The following DACH2 variants were observed in gnomAD, a reference collection of about 807,000 sequenced individuals.
DACH2 encodes the protein dachshund homolog 2.
Under a neutral mutation model 35.8 loss-of-function variants are expected in DACH2, and 17 were observed. The observed-to-expected ratio is 0.48, with a 90% CI of 0.33 to 0.71. The LOEUF (loss-of-function observed/expected upper bound fraction) is 0.71. Ranked by LOEUF, DACH2 falls within the 30% of genes least tolerant of loss-of-function variation. The pLI is 0.02. For synonymous variants in DACH2, 195 were observed against 177.3 expected (o/e 1.10, Z -0.79); for missense variants, 469 against 472.7 (o/e 0.99, Z 0.07).
intron 1 of DACH2, among the ~76,000 whole-genome samples, chrX:86,253,025 T>A (rs2033433178): frequency 9.0e-6 from 1 of 110,512 alleles, no homozygotes; most frequent in South Asian, 3.8e-4. Flanking sequence ...CTTTAAAGAC[T>A]CCTCCAAAAG....
At chrX:86,371,763 A>AT (rs1213425434) in intron 1 of DACH2, among the ~76,000 whole-genome samples, 1 of 111,226 alleles carries the variant, frequency 9.0e-6, no homozygotes, top group Non-Finnish European at 1.9e-5. Flanking sequence ...AACAGTGGAA[A>AT]TGCAACAGTT....
chrX:86,197,962 T>C (rs2032038501), intron 1 of DACH2, among the ~76,000 whole-genome samples: 1 of 111,989 alleles, frequency 8.9e-6, no homozygotes, highest in Admixed American at 9.5e-5. Flanking sequence ...GAATATACAT[T>C]CTTCTCATTG....
chrX:86,619,539 C>G (rs761385156), intron 3 of DACH2, among the ~76,000 whole-genome samples: 1 of 112,018 alleles, frequency 8.9e-6, no homozygotes, highest in African/African-American at 3.2e-5. Flanking sequence ...AGTAACTATT[C>G]TGAAAATTGT....
intron 1 of DACH2, among the ~76,000 whole-genome samples, chrX:86,225,187 C>G (rs2032797002): frequency 9.0e-6 from 1 of 111,602 alleles, no homozygotes; most frequent in African/African-American, 3.2e-5. Context: ...ATATGCTGAT[C>G]ACTTGCGTTG....
intron 1 of DACH2, among the ~76,000 whole-genome samples, chrX:86,346,667 GT>G (rs1175710260): frequency 3.6e-5 from 4 of 111,443 alleles, no homozygotes; most frequent in African/African-American, 1.3e-4. Context: ...TTTTAATAGT[GT>G]TTCTCCCTTT....
chrX:86,576,283 G>T (rs1357639683), intron 3 of DACH2, among the ~76,000 whole-genome samples: 1 of 111,715 alleles, frequency 9.0e-6, no homozygotes, highest in Admixed American at 9.6e-5. Flanking sequence ...GCATTACAAA[G>T]GAGATATGTG....
intron 6 of DACH2, among the ~76,000 whole-genome samples, chrX:86,721,039 G>C (rs963775844): frequency 8.9e-6 from 1 of 112,318 alleles, no homozygotes; most frequent in Non-Finnish European, 1.9e-5. Flanking sequence ...CAGCTGGGAC[G>C]AAGGGCACCA....
intron 4 of DACH2, among the ~76,000 whole-genome samples, chrX:86,692,544 G>A (rs952015003): frequency 9.0e-6 from 1 of 111,625 alleles, no homozygotes; most frequent in African/African-American, 3.3e-5. Context: ...CAAACCATGA[G>A]AATACTACCT....
At chrX:86,453,124 G>GT (rs2037411356) in intron 2 of DACH2, among the ~76,000 whole-genome samples, 1 of 111,659 alleles carries the variant, frequency 9.0e-6, no homozygotes, top group African/African-American at 3.3e-5. Flanking sequence ...TATTTGTGTG[G>GT]TTTTGAGTGA....
chrX:86,600,317 T>C (rs2039773380), intron 3 of DACH2, among the ~76,000 whole-genome samples: 1 of 112,422 alleles, frequency 8.9e-6, no homozygotes, highest in Admixed American at 9.4e-5. Context: ...CCTGGGGAAA[T>C]TTTTCCATGA....
intron 2 of DACH2, among the ~76,000 whole-genome samples, chrX:86,467,874 C>T (rs775122166): frequency 9.0e-5 from 10 of 111,346 alleles, no homozygotes; most frequent in Non-Finnish European, 1.9e-4. Context: ...ACCGTCAGAT[C>T]TCATGGAACT....
At chrX:86,736,243 T>C (rs2041595338) in intron 6 of DACH2, among the ~76,000 whole-genome samples, 2 of 111,457 alleles carry the variant, frequency 1.8e-5, no homozygotes, top group African/African-American at 6.5e-5. Flanking sequence ...AAAGTCTGAC[T>C]TCTGTGCTGC....
At chrX:86,371,427 A>G (rs750838729) in intron 1 of DACH2, among the ~76,000 whole-genome samples, 1 of 110,979 alleles carries the variant, frequency 9.0e-6, no homozygotes, top group Non-Finnish European at 1.9e-5. Flanking sequence ...CAGAAAAAAA[A>G]TTCTGAGAGG....
chrX:86,392,401 A>G (rs2036218690), intron 2 of DACH2, among the ~76,000 whole-genome samples: 1 of 111,986 alleles, frequency 8.9e-6, no homozygotes, highest in Non-Finnish European at 1.9e-5. Flanking sequence ...CTAAATAAAG[A>G]AAGGGTGATA....
intron 11 of DACH2, among the ~76,000 whole-genome samples, chrX:86,817,893 G>A (rs2042468910): frequency 8.9e-6 from 1 of 111,911 alleles, no homozygotes; most frequent in Admixed American, 9.5e-5. Flanking sequence ...TTTTCATTGT[G>A]CATACTTTTA....
Position 86,507,714 on chromosome X carries a change from T to C in DACH2, c.528-6565T>C, listed in dbSNP as rs912858419. 2.7e-5 allele frequency among the ~76,000 whole-genome samples: 3 copies of C among 111,927 alleles called. No homozygotes were observed. In the Admixed American group the frequency reaches 2.9e-4, roughly 11 times the overall value. ...GAGCAGGTTACCAGACTAAATCATT[T>C]AGACTTTATTTTGTATGCAGTCAGA... is the stretch of plus-strand genomic sequence containing the variant. On this transcript the variant is annotated intron_variant, in intron 2 of 11. Transcript: ENST00000373125.
chrX:86,439,060 T>A (rs1232930630), intron 2 of DACH2, among the ~76,000 whole-genome samples: 1 of 112,197 alleles, frequency 8.9e-6, no homozygotes, highest in African/African-American at 3.2e-5. Context: ...GCACCTGTTA[T>A]TTTTTGACTT....
intron 2 of DACH2, among the ~76,000 whole-genome samples, chrX:86,442,360 T>TG: frequency 1.0e-5 from 1 of 99,222 alleles, no homozygotes; most frequent in African/African-American, 3.7e-5. Context: ...GTATTTTGTG[T>TG]GTGTGTGTGT....
intron 2 of DACH2, among the ~76,000 whole-genome samples, chrX:86,470,057 G>A: frequency 1.0e-5 from 1 of 95,499 alleles, no homozygotes; most frequent in South Asian, 3.7e-4. Flanking sequence ...ATTCTGCTGT[G>A]GCACTGTTAA....
Sources: gnomAD v4.1 joint callset for allele counts (sites outside exome capture counted in the v4.1 genomes callset) on GRCh38, gnomAD v4.1.1 for gene constraint, MANE v1.5 for transcripts, NCBI Gene and HGNC (gene_info 2026-07-23, HGNC 2026-07-21) for gene names.